PEBP4: variants seen among roughly 807,000 people sequenced by gnomAD.
PEBP4 encodes phosphatidylethanolamine binding protein 4, also known as phosphatidylethanolamine-binding protein 4.
A neutral mutation model predicts 23.9 loss-of-function variants in PEBP4; 22 were observed. That is an observed-to-expected ratio of 0.92 (90% confidence interval 0.66 to 1.31). PEBP4 has a LOEUF of 1.31. PEBP4 is among the 40% of genes most tolerant of loss of function. PEBP4 has a pLI of 0.00. For missense variants in PEBP4, 324 were observed against 281.7 expected (o/e 1.15, Z -1.07); for synonymous variants, 112 against 99.3 (o/e 1.13, Z -0.76).
intron 3 of PEBP4, among the ~76,000 whole-genome samples, chr8:22,845,613 G>A (rs1807416646): frequency 6.6e-6 from 1 of 152,198 alleles, no homozygotes; most frequent in African/African-American, 2.4e-5. Context: ...ATGAGTCTGT[G>A]TATTTTGGCA....
At chr8:22,768,416 G>A (rs1402211000) in intron 4 of PEBP4, among the ~76,000 whole-genome samples, 1 of 152,174 alleles carries the variant, frequency 6.6e-6, no homozygotes, top group South Asian at 2.1e-4. Flanking sequence ...ATTGCCTGGG[G>A]TGGTTTGGGG....
chr8:22,878,560 CAG>C (rs1808178269), intron 3 of PEBP4, among the ~76,000 whole-genome samples: 1 of 152,194 alleles, frequency 6.6e-6, no homozygotes. Context: ...TCACAAAGCG[CAG>C]ACAGGTGGGG....
chr8:22,873,954 C>T lies in PEBP4; in HGVS notation c.258+46230G>A, dbSNP rs902921195. Among the ~76,000 whole-genome samples, 14 of 152,226 alleles carry T rather than the reference C, an allele frequency of 9.2e-5. No individual in the cohort carries two copies. In the South Asian group the frequency reaches 2.7e-3, roughly 29 times the overall value. On this transcript the variant is annotated intron_variant, in intron 3 of 6. Transcript: ENST00000256404. The stretch of plus-strand genomic sequence containing the variant: ...CTAGCTTCCCTCAGCTGGCTGGTTA[C>T]CACATTTGTCCCTAGCTCTAGGGGC...
At chr8:22,758,848 G>A (rs1308577509) in intron 4 of PEBP4, among the ~76,000 whole-genome samples, 2 of 152,202 alleles carry the variant, frequency 1.3e-5, no homozygotes, top group Non-Finnish European at 2.9e-5. Flanking sequence ...TTATCAGGGA[G>A]CCAATGCCTT....
At chr8:22,724,150 G>A (rs979448905) in intron 6 of PEBP4, among the ~76,000 whole-genome samples, 6 of 152,226 alleles carry the variant, frequency 3.9e-5, no homozygotes, top group Admixed American at 1.3e-4. Context: ...CTCAGATGGC[G>A]GGTGGGGGAG....
intron 3 of PEBP4, among the ~76,000 whole-genome samples, chr8:22,892,639 T>C (rs1346664775): frequency 1.3e-5 from 2 of 152,250 alleles, no homozygotes; most frequent in African/African-American, 2.4e-5. Context: ...TGGGGTTGGT[T>C]ATCTGTCTGG....
chr8:22,918,937 G>A (rs548505842), intron 3 of PEBP4, among the ~76,000 whole-genome samples: 1 of 151,762 alleles, frequency 6.6e-6, no homozygotes, highest in South Asian at 2.2e-4. Flanking sequence ...GTGCACATGT[G>A]CACACATGTG....
intron 3 of PEBP4, among the ~76,000 whole-genome samples, chr8:22,892,862 TAG>T (rs1808520500): frequency 6.6e-6 from 1 of 152,184 alleles, no homozygotes; most frequent in Non-Finnish European, 1.5e-5. Context: ...TACTGCCTGA[TAG>T]AGTTTCTAGG....
At chr8:22,908,146 T>G (rs1263778960) in intron 3 of PEBP4, among the ~76,000 whole-genome samples, 1 of 152,036 alleles carries the variant, frequency 6.6e-6, no homozygotes. Context: ...GACTGGGTAC[T>G]TGGGGCTGGC....
At chr8:22,727,094 AAGC>A in intron 5 of PEBP4, 78 bp downstream of exon 5, 9 of 1,496,350 alleles carry the variant, frequency 6.0e-6, no homozygotes, top group Non-Finnish European at 8.3e-6. Context: ...GCACACGACA[AAGC>A]AGCACCATGA....
intron 4 of PEBP4, among the ~76,000 whole-genome samples, chr8:22,763,832 A>G (rs1430373554): frequency 1.3e-5 from 2 of 152,134 alleles, no homozygotes; most frequent in African/African-American, 4.8e-5. Flanking sequence ...TTTCTCCTAC[A>G]TGACTGCTTT....
chr8:22,916,742 G>A (rs571222550), intron 3 of PEBP4, among the ~76,000 whole-genome samples: 1 of 152,368 alleles, frequency 6.6e-6, no homozygotes, highest in South Asian at 2.1e-4. Flanking sequence ...TGGCATCTGA[G>A]GTGCTGGTGG....
intron 4 of PEBP4, among the ~76,000 whole-genome samples, chr8:22,807,995 T>C (rs1170355131): frequency 1.3e-5 from 2 of 151,910 alleles, no homozygotes; most frequent in African/African-American, 4.8e-5. Flanking sequence ...CCAATGTCTA[T>C]CCATTCATCC....
intron 4 of PEBP4, among the ~76,000 whole-genome samples, chr8:22,770,638 C>T (rs1052696475): frequency 6.6e-6 from 1 of 152,238 alleles, no homozygotes; most frequent in African/African-American, 2.4e-5. Flanking sequence ...CCTGCTCATT[C>T]AGCTCTTGAA....
intron 4 of PEBP4, among the ~76,000 whole-genome samples, chr8:22,786,996 T>A (rs900134644): frequency 5.9e-5 from 9 of 151,836 alleles, no homozygotes; most frequent in South Asian, 2.1e-4. Context: ...TATTAAAAAA[T>A]TTTTTTTGTA....
At chr8:22,921,868 C>T (rs1285181274) in intron 2 of PEBP4, among the ~76,000 whole-genome samples, 2 of 152,082 alleles carry the variant, frequency 1.3e-5, no homozygotes, top group Admixed American at 6.5e-5. Context: ...TAGCGAGATG[C>T]GAGGCAGAGA....
At chr8:22,792,858 C>T in intron 4 of PEBP4, among the ~76,000 whole-genome samples, 1 of 152,090 alleles carries the variant, frequency 6.6e-6, no homozygotes, top group African/African-American at 2.4e-5. Flanking sequence ...AGGTGGCTCT[C>T]AGCAGAAGTG....
At chr8:22,918,389 C>A (rs966853674) in intron 3 of PEBP4, among the ~76,000 whole-genome samples, 1 of 152,160 alleles carries the variant, frequency 6.6e-6, no homozygotes, top group Non-Finnish European at 1.5e-5. Flanking sequence ...CCCCACCCCA[C>A]CCCCGGGCTG....
At chr8:22,766,840 A>T (rs1805622873) in intron 4 of PEBP4, among the ~76,000 whole-genome samples, 1 of 152,216 alleles carries the variant, frequency 6.6e-6, no homozygotes, top group African/African-American at 2.4e-5. Flanking sequence ...CAGGTGGGTC[A>T]CAGCACAGGC....
Sources: gnomAD v4.1 joint callset for allele counts (sites outside exome capture counted in the v4.1 genomes callset) on GRCh38, gnomAD v4.1.1 for gene constraint, MANE v1.5 for transcripts, NCBI Gene and HGNC (gene_info 2026-07-23, HGNC 2026-07-21) for gene names.